ASAP1: variants seen among roughly 807,000 people sequenced by gnomAD.
ASAP1 encodes the protein arf-GAP with SH3 domain, ANK repeat and PH domain-containing protein 1.
A neutral mutation model predicts 145.2 loss-of-function variants in ASAP1; 43 were observed. The ratio of observed to expected loss-of-function variants is 0.30; its 90% confidence interval spans 0.23 to 0.38. ASAP1 has a LOEUF of 0.38. Among genes scored for constraint, ASAP1 ranks in the 10% least tolerant of loss-of-function variants. The pLI, the probability that ASAP1 is intolerant of heterozygous loss-of-function variation, is 1.00. For missense variants in ASAP1, 1,018 were observed against 1,355.3 expected, an observed-to-expected ratio of 0.75 and a Z score of 3.91; for synonymous variants, 546 against 515.5, an observed-to-expected ratio of 1.06 and a Z score of -0.80.
chr8:130,232,640 A>G (rs904390472), intron 4 of ASAP1, among the ~76,000 whole-genome samples: 1 of 151,942 alleles, frequency 6.6e-6, no homozygotes, highest in African/African-American at 2.4e-5. Flanking sequence ...AAAAAACCAA[A>G]AAACCCTCAT....
At chr8:130,342,249 A>G (rs1825432853) in intron 3 of ASAP1, among the ~76,000 whole-genome samples, 1 of 152,110 alleles carries the variant, frequency 6.6e-6, no homozygotes, top group African/African-American at 2.4e-5. Context: ...GACCTCAGAG[A>G]CACAAACTCC....
chr8:130,300,153 C>CACACACACAGAGAGAGAGAGAG (rs1196584279), intron 3 of ASAP1, among the ~76,000 whole-genome samples: 9 of 76,924 alleles, frequency 1.2e-4, no homozygotes, highest in Admixed American at 1.5e-4. Context: ...CACACACACA[C>CACACACACAGAGAGAGAGAGAG]AGAGAGAGAG....
chr8:130,251,344 G>C (rs1011620098), intron 3 of ASAP1, among the ~76,000 whole-genome samples: 6 of 152,102 alleles, frequency 3.9e-5, no homozygotes, highest in African/African-American at 1.4e-4. Flanking sequence ...CTTGAACCTG[G>C]GGGGAGGAGG....
chr8:130,394,619 T>G (rs1190956166), intron 2 of ASAP1, among the ~76,000 whole-genome samples: 1 of 152,174 alleles, frequency 6.6e-6, no homozygotes, highest in Non-Finnish European at 1.5e-5. Context: ...CCTCCCCTTT[T>G]GAAAATCCCT....
chr8:130,302,108 A>T (rs543973502), intron 3 of ASAP1, among the ~76,000 whole-genome samples: 1 of 152,386 alleles, frequency 6.6e-6, no homozygotes, highest in South Asian at 2.1e-4. Flanking sequence ...ATAGTCTAAC[A>T]TTAGGTATAA....
chr8:130,297,435 C>T (rs1822354870), intron 3 of ASAP1, among the ~76,000 whole-genome samples: 1 of 152,208 alleles, frequency 6.6e-6, no homozygotes, highest in African/African-American at 2.4e-5. Flanking sequence ...TGTGGCTGTT[C>T]AAGGGTCAAC....
chr8:130,277,665 A>C (rs1248979976), intron 3 of ASAP1, among the ~76,000 whole-genome samples: 1 of 152,230 alleles, frequency 6.6e-6, no homozygotes, highest in Non-Finnish European at 1.5e-5. Flanking sequence ...AAGTACAGAT[A>C]TAGAAATGGC....
chr8:130,255,800 T>A (rs1819476061), intron 3 of ASAP1, among the ~76,000 whole-genome samples: 1 of 152,210 alleles, frequency 6.6e-6, no homozygotes, highest in African/African-American at 2.4e-5. Context: ...TCTAAAAAGA[T>A]GGTCACATAC....
At position 130,112,178 on chromosome 8, in the gene ASAP1, G is replaced by A; in HGVS notation, c.2317C>T (p.Gln773Ter). ...QRLSYGAFTN[Q>*]IFVSTSTDSP... ...TCTGTGCTTGTGGAAACGAAGATCT[G>A]GTTGGTGAAGGCTCCATAGGAGAGC... is the stretch of plus-strand genomic sequence containing the variant. Residue 773 changes from glutamine to a stop codon, truncating the protein, a stop_gained, in exon 24 of 30, where the codon CAG becomes TAG. Coordinates refer to ENST00000518721, the MANE Select transcript of ASAP1 (RefSeq NM_018482.4). LOFTEE classifies it high-confidence loss of function. 1 of 1,614,158 alleles carries A rather than the reference G, an allele frequency of 6.2e-7. No homozygotes were observed. Among genetic ancestry groups the A allele is most frequent in the Non-Finnish European group, 8.5e-7 (1 of 1,180,028 alleles).
intron 3 of ASAP1, among the ~76,000 whole-genome samples, chr8:130,324,651 A>G (rs1306655355): frequency 2.0e-5 from 3 of 152,234 alleles, no homozygotes; most frequent in African/African-American, 7.2e-5. Context: ...TAGGAAGCAT[A>G]ATTCGTAAAA....
At chr8:130,087,092 G>A (rs895574475) in intron 25 of ASAP1, among the ~76,000 whole-genome samples, 1 of 152,164 alleles carries the variant, frequency 6.6e-6, no homozygotes, top group African/African-American at 2.4e-5. Context: ...CTAATCATCA[G>A]CATAGAAAGT....
chr8:130,200,071 C>T (rs917266041), intron 5 of ASAP1, among the ~76,000 whole-genome samples: 4 of 152,182 alleles, frequency 2.6e-5, no homozygotes, highest in African/African-American at 9.7e-5. Context: ...CCTTGGGCTA[C>T]TGGCAGTTTT....
At chr8:130,321,919 C>T (rs1398205968) in intron 3 of ASAP1, among the ~76,000 whole-genome samples, 5 of 152,280 alleles carry the variant, frequency 3.3e-5, no homozygotes, top group African/African-American at 1.2e-4. Flanking sequence ...AAGTGTCCAG[C>T]ATTATACCTG....
intron 3 of ASAP1, among the ~76,000 whole-genome samples, chr8:130,322,991 G>A (rs146313988): frequency 1.3e-5 from 2 of 152,176 alleles, no homozygotes. Flanking sequence ...GGCATTTGTG[G>A]AATCAAACTG....
chr8:130,088,814 T>C (rs1445050254), intron 25 of ASAP1, among the ~76,000 whole-genome samples: 2 of 152,218 alleles, frequency 1.3e-5, no homozygotes, highest in East Asian at 3.8e-4. Flanking sequence ...ATGGTTTTGG[T>C]TGCTTTTTAT....
At chr8:130,376,242 C>A (rs1827485394) in intron 2 of ASAP1, among the ~76,000 whole-genome samples, 1 of 152,202 alleles carries the variant, frequency 6.6e-6, no homozygotes, top group Non-Finnish European at 1.5e-5. Context: ...GGGTGCTCCA[C>A]CCTGAATGCC....
chr8:130,300,781 G>A (rs533552941), intron 3 of ASAP1, among the ~76,000 whole-genome samples: 2 of 152,200 alleles, frequency 1.3e-5, no homozygotes, highest in African/African-American at 4.8e-5. Flanking sequence ...TGAAAGCCCA[G>A]CACTGGGCTG....
chr8:130,317,464 T>C (rs916151569), intron 3 of ASAP1, among the ~76,000 whole-genome samples: 1 of 152,214 alleles, frequency 6.6e-6, no homozygotes, highest in African/African-American at 2.4e-5. Flanking sequence ...GTTTCTATGA[T>C]TCCAGATGGA....
At chr8:130,293,963 T>A (rs922770609) in intron 3 of ASAP1, among the ~76,000 whole-genome samples, 2 of 152,256 alleles carry the variant, frequency 1.3e-5, no homozygotes, top group Admixed American at 6.5e-5. Context: ...TGAGCCTCTA[T>A]GTAAGAGCCA....
Sources: allele counts gnomAD v4.1 joint callset (sites outside exome capture counted in the v4.1 genomes callset), GRCh38; gene constraint gnomAD v4.1.1; transcripts MANE v1.5; gene names NCBI Gene and HGNC (gene_info 2026-07-23, HGNC 2026-07-21).